The following KIF5A variants were observed in gnomAD, a reference collection of about 807,000 sequenced individuals.
KIF5A encodes kinesin heavy chain isoform 5A.
Under a neutral mutation model 141.3 loss-of-function variants are expected in KIF5A, and 35 were observed. That is an observed-to-expected ratio of 0.25 (90% CI 0.19 to 0.33). The LOEUF is 0.33. Among genes scored for constraint, KIF5A ranks in the 10% least tolerant of loss-of-function variants. The pLI is 1.00. For synonymous variants in KIF5A, 448 were observed against 500.2 expected (o/e 0.90, Z 1.39); for missense variants, 861 against 1,314.3 (o/e 0.66, Z 5.33).
intron 1 of KIF5A, among the ~76,000 whole-genome samples, chr12:57,557,512 C>G (rs1310065721): frequency 3.3e-5 from 5 of 151,980 alleles, no homozygotes; most frequent in Non-Finnish European, 7.4e-5. Flanking sequence ...TCTTACCACC[C>G]CAAAGAAGCA....
intron 19 of KIF5A, 111 bp from the exon 20 acceptor site, chr12:57,576,649 AT>A (rs2140168504): frequency 1.2e-6 from 1 of 836,404 alleles, no homozygotes; most frequent in East Asian, 2.5e-5. Context: ...GGACACATCA[AT>A]TCTAACTGGA....
In KIF5A at chr12:57,572,883, G is replaced by A. The variant is rs1197898504; in HGVS notation, c.1716+157G>A. ...AGGAAGACAGGTAGAGGCTTGTATAGACCCAATTGAAAAGATACATTCTAG... is the reference window on the plus strand; with the variant it reads ...AGGAAGACAGGTAGAGGCTTGTATAAACCCAATTGAAAAGATACATTCTAG... On this transcript the variant is annotated intron_variant, in intron 15 of 28. Transcript: ENST00000455537. This position sits in a 1 kb window ranked among gnomAD's most constrained non-coding sequence, Gnocchi z 4.2. 1.3e-5 allele frequency among the ~76,000 whole-genome samples: 2 copies of A among 152,168 alleles called. No individual in the cohort carries two copies. Among genetic ancestry groups the A allele is most frequent in the Non-Finnish European group, 2.9e-5 (2 of 68,014 alleles).
chr12:57,565,185 T>C (rs544480783), intron 6 of KIF5A, among the ~76,000 whole-genome samples: 1 of 152,200 alleles, frequency 6.6e-6, no homozygotes, highest in East Asian at 1.9e-4. Context: ...TTTGGGAGGC[T>C]GAGGTGGGTG....
In KIF5A at chr12:57,572,069, G is replaced by A. The variant is rs1173503363; in HGVS notation, c.1371G>A (p.Val457=). ...QQMLDQEELL[V]STRGDNEKVQ... ...ACTCCTCTCCCTTGAAGCTGCTGGT[G>A]TCCACCCGAGGAGACAACGAGAAGG... The change falls in exon 14 of 29, where the codon GTG becomes GTA. Residue 457 remains valine (V), a synonymous_variant. Transcript: ENST00000455537. The surrounding 1 kb of genome is among the most constrained non-coding windows in gnomAD (Gnocchi z 4.2). The A allele has an allele frequency of 8.7e-6, 14 of 1,613,090 alleles. No individual in the cohort carries two copies. Among genetic ancestry groups the A allele is most frequent in the Non-Finnish European group, 1.2e-5 (14 of 1,179,956 alleles).
intron 24 of KIF5A, 90 bp downstream of exon 24, chr12:57,581,262 T>C: frequency 6.7e-7 from 1 of 1,497,684 alleles, no homozygotes. Flanking sequence ...TATTGCTTCT[T>C]ACCTACCCCT....
chr12:57,573,392 G>A (rs1882315540), intron 15 of KIF5A, among the ~76,000 whole-genome samples: 1 of 152,056 alleles, frequency 6.6e-6, no homozygotes, highest in African/African-American at 2.4e-5. Context: ...TTAGCTGGGG[G>A]TGGTGGCACA....
chr12:57,578,184 G>C lies in KIF5A; in HGVS notation c.2434-54G>C, dbSNP rs145753901. ...ATGGGGCTGGCTTGGCCTGGTCTTG[G>C]TGGGACCTGTTTGGCCTCAGGACAG... On this transcript the variant is annotated intron_variant, in intron 22 of 28. Transcript: ENST00000455537. 728 of 1,585,976 alleles carry C rather than the reference G, an allele frequency of 4.6e-4. 3 individuals carry two copies. In the African/African-American group the frequency reaches 8.8e-3, roughly 19 times the overall value.
chr12:57,566,867 C>T (rs1306102629), intron 6 of KIF5A, among the ~76,000 whole-genome samples: 1 of 151,728 alleles, frequency 6.6e-6, no homozygotes, highest in African/African-American at 2.4e-5. Context: ...TGGTGAAACC[C>T]CGTCTCTACT....
rs769329345 is a variant in KIF5A at position 57,578,230 on chromosome 12, G to C, written c.2434-8G>C. 2 of 1,612,152 alleles carry C rather than the reference G, an allele frequency of 1.2e-6. No homozygotes were observed. The highest frequency in any genetic ancestry group is 3.3e-4 in the Middle Eastern group (2 of 6,052). On this transcript the variant is annotated splice_polypyrimidine_tract_variant and splice_region_variant and intron_variant, in intron 22 of 28. Coordinates refer to ENST00000455537, the MANE Select transcript of KIF5A (RefSeq NM_004984.4). ...GACAGCCACGTCTTTCCTTCTATCTGTTCTCAGAGTGCAGAAATGGAGCCC... is the reference window on the plus strand; with the variant it reads ...GACAGCCACGTCTTTCCTTCTATCTCTTCTCAGAGTGCAGAAATGGAGCCC...
At chr12:57,560,796 G>C (rs190917727) in intron 1 of KIF5A, among the ~76,000 whole-genome samples, 103 of 151,774 alleles carry the variant, frequency 6.8e-4, no homozygotes, top group African/African-American at 2.4e-3. Flanking sequence ...GAGCCCAGGA[G>C]TTTGAGACCA....
chr12:57,554,093 G>C (rs763585028), intron 1 of KIF5A, among the ~76,000 whole-genome samples: 22 of 151,844 alleles, frequency 1.4e-4, no homozygotes, highest in South Asian at 6.3e-4. Flanking sequence ...ATGTGAGGAG[G>C]GGGGATATGG....
chr12:57,550,056 A>C lies in KIF5A; in HGVS notation c.-216A>C. The C allele has an allele frequency of 3.5e-6, 2 of 579,024 alleles. No homozygotes were observed. The highest frequency in any genetic ancestry group is 1.9e-5 in the South Asian group (1 of 51,300). The allele number at this position is 579,024 out of a possible 1,614,324, so 35.9% of individuals were successfully genotyped here. A position where few individuals can be genotyped will look rare whatever the true frequency, so the allele number is the denominator to read the frequency against. On this transcript the variant is annotated 5_prime_UTR_variant, in exon 1 of 29. Coordinates refer to ENST00000455537, the MANE Select transcript of KIF5A (RefSeq NM_004984.4). The surrounding 1 kb of genome is among the most constrained non-coding windows in gnomAD (Gnocchi z 4.6). ...GGGGCGGAGAGGCAGAGAGCCCGAA[A>C]GGACCAGACGCCCAGGTCGCCCGCA... is the stretch of plus-strand genomic sequence containing the variant.
rs922234039 is a variant in KIF5A, at chr12:57,584,791, A to C, written c.*610A>C. 1 of 152,290 alleles carries C rather than the reference A, an allele frequency of 6.6e-6. No individual in the cohort carries two copies. The highest frequency in any genetic ancestry group is 1.5e-5 in the Non-Finnish European group (1 of 68,012). 9.4% of individuals were successfully genotyped at this position (152,290 alleles called of 1,614,324 possible). On this transcript the variant is annotated 3_prime_UTR_variant, in exon 29 of 29. Coordinates refer to ENST00000455537, the MANE Select transcript of KIF5A (RefSeq NM_004984.4). ...ATTTTCTTCATACACCCCTCACCTT[A>C]ATCAAAGGATTCAGGTGTTACTTCT...
At chr12:57,551,335 G>T (rs1881566547) in intron 1 of KIF5A, among the ~76,000 whole-genome samples, 1 of 152,200 alleles carries the variant, frequency 6.6e-6, no homozygotes, top group African/African-American at 2.4e-5. Flanking sequence ...GAGGCCCAAA[G>T]AACTTGAATA....
chr12:57,574,301 C>T (rs1384996737), intron 15 of KIF5A, among the ~76,000 whole-genome samples: 1 of 145,930 alleles, frequency 6.9e-6, no homozygotes, highest in Non-Finnish European at 1.5e-5. Context: ...GAGATGGAGT[C>T]TTGCTCTGTT....
rs779997056 is a variant in KIF5A at position 57,572,652 on chromosome 12, G to A, written c.1642G>A (p.Ala548Thr). Reference protein sequence around the residue: ...EVSGHQRKRIAEVLNGLMKDL... With the variant: ...EVSGHQRKRITEVLNGLMKDL... ...CAGTGGACACCAGCGAAAACGAATTGCTGAGGTGCTGAACGGGCTGATGAA... is the reference window on the plus strand; with the variant it reads ...CAGTGGACACCAGCGAAAACGAATTACTGAGGTGCTGAACGGGCTGATGAA... The change falls in exon 15 of 29, where the codon GCT becomes ACT. Residue 548 changes from alanine to threonine, a missense_variant. Around this residue, in one of 5 missense-constraint regions of KIF5A, gnomAD observed 482 missense variants for 661.3 expected, o/e 0.73. Coordinates refer to ENST00000455537, the MANE Select transcript of KIF5A (RefSeq NM_004984.4). This position sits in a 1 kb window ranked among gnomAD's most constrained non-coding sequence, Gnocchi z 4.2. 1.2e-6 allele frequency: 2 copies of A among 1,614,140 alleles called. No homozygotes were observed. Among genetic ancestry groups the A allele is most frequent in the South Asian group, 2.2e-5 (2 of 91,088 alleles).
At chr12:57,556,966 A>G (rs1881766721) in intron 1 of KIF5A, among the ~76,000 whole-genome samples, 1 of 152,160 alleles carries the variant, frequency 6.6e-6, no homozygotes, top group Admixed American at 6.5e-5. Context: ...AGACACACCC[A>G]GGATCAATAC....
At chr12:57,567,098 T>A (rs1565697581) in intron 6 of KIF5A, 28 bp from the exon 7 acceptor site, 7 of 1,401,844 alleles carry the variant, frequency 5.0e-6, no homozygotes, top group Non-Finnish European at 6.1e-6. Context: ...ACAAAGCTTA[T>A]GGGTCACTGT....
chr12:57,577,535 G>C (rs1471136140), intron 20 of KIF5A, among the ~76,000 whole-genome samples, 178 bp from the exon 21 acceptor site: 1 of 152,176 alleles, frequency 6.6e-6, no homozygotes, highest in Non-Finnish European at 1.5e-5. Context: ...GGTTGAGGCT[G>C]CAGTGAGCCC....
Sources: gnomAD v4.1 joint callset for allele counts (sites outside exome capture counted in the v4.1 genomes callset) on GRCh38, gnomAD v4.1.1 for gene constraint, gnomAD v4.1.1 regional missense constraint, Gnocchi (gnomAD v3.1) non-coding constraint, MANE v1.5 for transcripts, NCBI Gene and HGNC (gene_info 2026-07-23, HGNC 2026-07-21) for gene names.